The following TYW1 variants were observed in gnomAD, a reference collection of about 807,000 sequenced individuals.
TYW1 encodes tRNA-yW synthesizing protein 1 homolog.
In TYW1, 46 loss-of-function variants were observed where a neutral mutation model predicts 96.2. The observed-to-expected ratio is 0.48, with a 90% CI of 0.38 to 0.61. TYW1 has a LOEUF of 0.61. Ranked by LOEUF, TYW1 falls within the 20% of genes least tolerant of loss-of-function variation. The pLI is 0.00. For missense variants in TYW1, 684 were observed against 909.6 expected (o/e 0.75, Z 3.19); for synonymous variants, 274 against 323.0 (o/e 0.85, Z 1.63).
At chr7:67,177,324 C>A (rs572457543) in intron 13 of TYW1, among the ~76,000 whole-genome samples, 1 of 151,492 alleles carries the variant, frequency 6.6e-6, no homozygotes, top group South Asian at 2.1e-4. Context: ...GTTAAAGAGA[C>A]ACAAGAAACA....
At chr7:67,199,018 A>G (rs1470375569) in intron 15 of TYW1, among the ~76,000 whole-genome samples, 1 of 152,022 alleles carries the variant, frequency 6.6e-6, no homozygotes, top group Non-Finnish European at 1.5e-5. Flanking sequence ...CAACATAGTG[A>G]GACTCCATCA....
At chr7:67,138,481 A>G (rs35010889) in intron 13 of TYW1, among the ~76,000 whole-genome samples, 1,569 of 151,480 alleles carry the variant, frequency 0.01, 11 homozygotes, top group East Asian at 0.013. Flanking sequence ...CAAACAATCC[A>G]ATTATACTCC....
chr7:67,189,200 G>A (rs1800122480), intron 14 of TYW1, among the ~76,000 whole-genome samples: 1 of 152,112 alleles, frequency 6.6e-6, no homozygotes, highest in African/African-American at 2.4e-5. Flanking sequence ...AACAACCCTT[G>A]GGTCAGGAAG....
chr7:67,197,302 G>T (rs531750671), intron 15 of TYW1, among the ~76,000 whole-genome samples: 2 of 151,010 alleles, frequency 1.3e-5, no homozygotes, highest in African/African-American at 2.4e-5. Flanking sequence ...ATCCCTACAA[G>T]GTAGGTACTA....
intron 15 of TYW1, among the ~76,000 whole-genome samples, chr7:67,203,575 C>A (rs187344061): frequency 6.6e-6 from 1 of 152,204 alleles, no homozygotes; most frequent in Non-Finnish European, 1.5e-5. Flanking sequence ...TTTTCCCTCC[C>A]TTACTTAGAA....
At chr7:67,056,292 G>C (rs146778223) in intron 9 of TYW1, among the ~76,000 whole-genome samples, 183 of 152,240 alleles carry the variant, frequency 1.2e-3, no homozygotes, top group African/African-American at 4.2e-3. Flanking sequence ...AGGAGTTCGA[G>C]ACCAGCCTGG....
chr7:67,201,979 G>T (rs1319801014), intron 15 of TYW1, among the ~76,000 whole-genome samples: 1 of 152,140 alleles, frequency 6.6e-6, no homozygotes. Context: ...GTGTCACTGC[G>T]TTCCTCTTTA....
intron 15 of TYW1, among the ~76,000 whole-genome samples, chr7:67,213,286 C>G (rs7792302): frequency 0.39 from 58,592 of 151,892 alleles, 12,168 homozygotes; most frequent in African/African-American, 0.54. Flanking sequence ...TCCCACCTCA[C>G]TCTCTTAAGT....
chr7:66,999,375 GAC>G (rs1305577994), intron 3 of TYW1, among the ~76,000 whole-genome samples: 1 of 152,052 alleles, frequency 6.6e-6, no homozygotes, highest in African/African-American at 2.4e-5. Flanking sequence ...TGTTTTTTGA[GAC>G]AGAGTCTCAC....
intron 11 of TYW1, 78 bp from the exon 12 acceptor site, chr7:67,098,463 A>G: frequency 1.4e-6 from 2 of 1,440,270 alleles, no homozygotes; most frequent in Non-Finnish European, 1.8e-6. Context: ...ATAAAATCAA[A>G]GCATCATTAA....
At chr7:67,088,990 G>A (rs983138303) in intron 11 of TYW1, among the ~76,000 whole-genome samples, 3 of 152,312 alleles carry the variant, frequency 2.0e-5, no homozygotes, top group African/African-American at 4.8e-5. Flanking sequence ...AGGCTTGAAG[G>A]CATTTCCTTC....
At chr7:67,160,231 C>T (rs993033071) in intron 13 of TYW1, among the ~76,000 whole-genome samples, 25 of 152,252 alleles carry the variant, frequency 1.6e-4, no homozygotes, top group African/African-American at 5.8e-4. Context: ...CACTGCACTC[C>T]AGCCTGAGCC....
intron 13 of TYW1, among the ~76,000 whole-genome samples, chr7:67,145,177 C>A (rs1298524937): frequency 1.6e-5 from 2 of 121,364 alleles, no homozygotes; most frequent in Non-Finnish European, 3.3e-5. Context: ...TGAAACGAGT[C>A]TCGCTCTCTC....
intron 7 of TYW1, among the ~76,000 whole-genome samples, chr7:67,027,840 G>T (rs943136152): frequency 1.3e-5 from 2 of 151,168 alleles, no homozygotes; most frequent in Non-Finnish European, 2.9e-5. Context: ...TGAGGCAAGA[G>T]AATGGCGTGA....
chr7:67,092,359 C>G (rs942299053), intron 11 of TYW1, among the ~76,000 whole-genome samples: 11 of 151,940 alleles, frequency 7.2e-5, no homozygotes, highest in African/African-American at 2.4e-4. Context: ...ACGGAGAACC[C>G]GATGTGATCT....
chr7:67,195,517 G>A (rs1459876505), intron 15 of TYW1, among the ~76,000 whole-genome samples, 180 bp downstream of exon 15: 2 of 152,104 alleles, frequency 1.3e-5, no homozygotes, highest in African/African-American at 4.8e-5. Flanking sequence ...TCTTTTCCAT[G>A]TGAAATTGCT....
chr7:67,184,412 A>G lies in TYW1; in HGVS notation c.1809+1176A>G, dbSNP rs528854029. 9.9e-5 allele frequency among the ~76,000 whole-genome samples: 15 copies of G among 151,926 alleles called. No homozygotes were observed. In the South Asian group the frequency reaches 2.3e-3, roughly 23 times the overall value. ...TTTGTTTGTATTTCAGGAATATTTC[A>G]CTGGTGGTCTTGTATACTCCAATCA... On this transcript the variant is annotated intron_variant, in intron 14 of 15. Transcript: ENST00000359626.
At chr7:67,156,197 G>A (rs994093920) in intron 13 of TYW1, among the ~76,000 whole-genome samples, 1 of 152,234 alleles carries the variant, frequency 6.6e-6, no homozygotes, top group Non-Finnish European at 1.5e-5. Context: ...TCATGCAATA[G>A]TGGTGGCAGT....
intron 13 of TYW1, among the ~76,000 whole-genome samples, chr7:67,120,192 A>C (rs1402878253): frequency 1.3e-5 from 2 of 151,444 alleles, no homozygotes; most frequent in Non-Finnish European, 2.9e-5. Flanking sequence ...AGTGATTCTC[A>C]TGCCTCAGCC....
Sources: gnomAD v4.1 joint callset for allele counts (sites outside exome capture counted in the v4.1 genomes callset) on GRCh38, gnomAD v4.1.1 for gene constraint, MANE v1.5 for transcripts, NCBI Gene and HGNC (gene_info 2026-07-23, HGNC 2026-07-21) for gene names.